Variants in BUB1B observed in about 807,000 individuals in gnomAD.
BUB1B encodes the protein mitotic checkpoint serine/threonine-protein kinase BUB1 beta.
Under a neutral mutation model 137.7 loss-of-function variants are expected in BUB1B, and 86 were observed. The ratio of observed to expected loss-of-function variants is 0.62; its 90% confidence interval spans 0.52 to 0.75. BUB1B has a LOEUF of 0.75. BUB1B is among the 30% of genes least tolerant of loss of function. The probability of loss-of-function intolerance (pLI) is 0.00; values close to 1 mark genes in which losing one functional copy is unlikely to be tolerated. For missense variants in BUB1B, 1,130 were observed against 1,236.9 expected, an observed-to-expected ratio of 0.91 and a Z score of 1.30; for synonymous variants, 420 against 417.9, an observed-to-expected ratio of 1.00 and a Z score of -0.06.
intron 2 of BUB1B, among the ~76,000 whole-genome samples, chr15:40,169,303 T>G (rs1327937346): frequency 2.0e-5 from 3 of 152,132 alleles, no homozygotes; most frequent in Non-Finnish European, 4.4e-5. Context: ...AAATTCTTAT[T>G]TATATATTTG....
chr15:40,189,747 C>T (rs1055005088), intron 8 of BUB1B, among the ~76,000 whole-genome samples: 4 of 152,116 alleles, frequency 2.6e-5, no homozygotes, highest in African/African-American at 7.2e-5. Flanking sequence ...ATTGCTGGAT[C>T]GTGTGATTAA....
At chr15:40,209,926 T>C (rs759028383) in intron 17 of BUB1B, 151 bp downstream of exon 17, 6 of 1,072,072 alleles carry the variant, frequency 5.6e-6, no homozygotes, top group Non-Finnish European at 8.4e-6. Flanking sequence ...AGTAACTTCA[T>C]GTCCTAATAA....
intron 2 of BUB1B, among the ~76,000 whole-genome samples, chr15:40,168,469 A>G (rs1234371996): frequency 6.6e-6 from 1 of 152,182 alleles, no homozygotes; most frequent in African/African-American, 2.4e-5. Context: ...GCTGATTTTT[A>G]TCAGTAGTGC....
chr15:40,173,156 G>C (rs545439970), intron 4 of BUB1B, among the ~76,000 whole-genome samples: 16 of 151,944 alleles, frequency 1.1e-4, no homozygotes, highest in African/African-American at 3.9e-4. Context: ...GTGGTGGTGC[G>C]CACATGTAAT....
chr15:40,182,723 C>T (rs901922929), intron 5 of BUB1B, among the ~76,000 whole-genome samples: 2 of 152,216 alleles, frequency 1.3e-5, no homozygotes, highest in Admixed American at 6.5e-5. Flanking sequence ...CTTTGCAGTT[C>T]TCCTCCCATA....
Position 40,202,573 on chromosome 15 carries a change from G to A in BUB1B, c.1629-16G>A, listed in dbSNP as rs1363594491. 6.2e-7 allele frequency: 1 copy of A among 1,611,364 alleles called. No homozygotes were observed. Among genetic ancestry groups the A allele is most frequent in the Non-Finnish European group, 8.5e-7 (1 of 1,177,612 alleles). ...GTTATGAAAAAAATTGCTAAGTGAG[G>A]TATGTCTTTTTCCAGTCCTCCTGCA... On this transcript the variant is annotated splice_polypyrimidine_tract_variant and intron_variant, in intron 13 of 22. Transcript: ENST00000287598.
chr15:40,215,249 A>C (rs941808415), intron 20 of BUB1B, among the ~76,000 whole-genome samples: 2 of 151,580 alleles, frequency 1.3e-5, no homozygotes, highest in Non-Finnish European at 2.9e-5. Flanking sequence ...TGAGGCGGGC[A>C]GATCACCTGA....
intron 4 of BUB1B, among the ~76,000 whole-genome samples, chr15:40,174,654 T>A (rs1228153735): frequency 6.6e-6 from 1 of 152,200 alleles, no homozygotes; most frequent in Non-Finnish European, 1.5e-5. Context: ...GTAACAGAAC[T>A]CCTAACTAGA....
chr15:40,170,050 T>C lies in BUB1B; in HGVS notation c.180-12T>C. 3 of 1,611,380 alleles carry C rather than the reference T, an allele frequency of 1.9e-6. No individual in the cohort carries two copies. The highest frequency in any genetic ancestry group is 8.5e-7 in the Non-Finnish European group (1 of 1,177,486). On this transcript the variant is annotated splice_polypyrimidine_tract_variant and intron_variant, in intron 2 of 22. Transcript: ENST00000287598. ...CTATTGCATATGCTAACTTTTTCTG[T>C]TTACATTTCAGGGCATTTGAATATG...
rs1438488318 is a variant in BUB1B at position 40,201,050 on chromosome 15, AT to A, written c.1567+75del. 6 of 1,420,800 alleles carry A rather than the reference AT, an allele frequency of 4.2e-6. No homozygotes were observed. The African/African-American group carries it at 8.5e-5, about 20-fold the overall frequency. The allele number at this position is 1,420,800 out of a possible 1,614,324, so 88.0% of individuals were successfully genotyped here. A position where few individuals can be genotyped will look rare whatever the true frequency, so the allele number is the denominator to read the frequency against. ...ATGTATTATGTAATAAATGGTAAATATTTTTAATTATGATAAAGGGATTGAA... is the reference window on the plus strand; with the variant it reads ...ATGTATTATGTAATAAATGGTAAATATTTTAATTATGATAAAGGGATTGAA... On this transcript the variant is annotated intron_variant, in intron 12 of 22. Coordinates refer to ENST00000287598, the MANE Select transcript of BUB1B (RefSeq NM_001211.6).
chr15:40,188,452 A>G (rs1197727746), intron 8 of BUB1B, among the ~76,000 whole-genome samples: 1 of 152,140 alleles, frequency 6.6e-6, no homozygotes, highest in South Asian at 2.1e-4. Context: ...CTCTTCATAG[A>G]TGAAGAAAAT....
chr15:40,201,619 T>G (rs887771186), intron 12 of BUB1B, among the ~76,000 whole-genome samples: 13 of 152,200 alleles, frequency 8.5e-5, no homozygotes, highest in African/African-American at 3.1e-4. Context: ...TATACGGATC[T>G]TAACTCTGCA....
At chr15:40,188,582 C>CT (rs773801578) in intron 8 of BUB1B, among the ~76,000 whole-genome samples, 23,273 of 121,700 alleles carry the variant, frequency 0.19, 2,896 homozygotes, top group African/African-American at 0.34. Context: ...TTTAAGTTTT[C>CT]TTTTTTTTTT....
intron 8 of BUB1B, among the ~76,000 whole-genome samples, chr15:40,191,870 T>C (rs1443382319): frequency 6.6e-6 from 1 of 152,172 alleles, no homozygotes; most frequent in East Asian, 1.9e-4. Context: ...CTTTTTTTTT[T>C]CCCCTACACG....
intron 20 of BUB1B, among the ~76,000 whole-genome samples, chr15:40,216,476 C>T (rs1248412833): frequency 6.8e-6 from 1 of 148,034 alleles, no homozygotes; most frequent in Admixed American, 6.8e-5. Context: ...ACACACTTTA[C>T]ATATATATAT....
chr15:40,209,541 T>A, intron 16 of BUB1B, 94 bp from the exon 17 acceptor site: 1 of 1,472,606 alleles, frequency 6.8e-7, no homozygotes, highest in Non-Finnish European at 9.4e-7. Flanking sequence ...CTGTGTAATC[T>A]TGATTTTTTT....
intron 20 of BUB1B, among the ~76,000 whole-genome samples, chr15:40,216,534 AACTATATATAT>A (rs2140910254): frequency 7.0e-6 from 1 of 142,082 alleles, no homozygotes; most frequent in African/African-American, 2.5e-5. Context: ...CGATCCCTAT[AACTATATATAT>A]ACTATATATA....
intron 4 of BUB1B, among the ~76,000 whole-genome samples, chr15:40,174,564 G>A (rs1346387008): frequency 6.6e-6 from 1 of 152,072 alleles, no homozygotes. Context: ...AATACAAGAC[G>A]GACTTAACCT....
At chr15:40,170,202 T>C (rs1194406981) in intron 3 of BUB1B, 81 bp downstream of exon 3, 1 of 1,324,672 alleles carries the variant, frequency 7.5e-7, no homozygotes, top group South Asian at 1.2e-5. Flanking sequence ...TTGGGGTATA[T>C]GGAGTGTGTG....
Sources: gnomAD v4.1 joint callset for allele counts (sites outside exome capture counted in the v4.1 genomes callset) on GRCh38, gnomAD v4.1.1 for gene constraint, MANE v1.5 for transcripts, NCBI Gene and HGNC (gene_info 2026-07-23, HGNC 2026-07-21) for gene names.